COL14A1: variants seen among roughly 807,000 people sequenced by gnomAD.
COL14A1 encodes the protein collagen alpha-1(XIV) chain.
A neutral mutation model predicts 230.3 loss-of-function variants in COL14A1; 136 were observed. The ratio of observed to expected loss-of-function variants is 0.59; its 90% CI spans 0.51 to 0.68. The LOEUF is 0.68. Among genes scored for constraint, COL14A1 ranks in the 30% least tolerant of loss-of-function variants. The pLI is 0.00. For missense variants in COL14A1, 1,976 were observed against 2,215.8 expected (o/e 0.89, Z 2.17); for synonymous variants, 792 against 784.1 (o/e 1.01, Z -0.17).
chr8:120,179,558 A>G (rs111663053), intron 5 of COL14A1, among the ~76,000 whole-genome samples: 51,556 of 152,060 alleles, frequency 0.34, 9,568 homozygotes, highest in Admixed American at 0.48. Flanking sequence ...GCAAATGGAA[A>G]AACATTCCAT....
intron 17 of COL14A1, among the ~76,000 whole-genome samples, chr8:120,227,728 C>G (rs1256089460): frequency 6.6e-6 from 1 of 152,080 alleles, no homozygotes; most frequent in African/African-American, 2.4e-5. Context: ...AACAAATAAA[C>G]CTAGGGCCAA....
At chr8:120,128,496 C>T (rs1357301510) in intron 1 of COL14A1, among the ~76,000 whole-genome samples, 2 of 151,856 alleles carry the variant, frequency 1.3e-5, no homozygotes, top group Non-Finnish European at 2.9e-5. Flanking sequence ...GCCTGTAATC[C>T]CAGCATTTTG....
chr8:120,229,831 G>A (rs1818214465), intron 18 of COL14A1, among the ~76,000 whole-genome samples: 2 of 152,132 alleles, frequency 1.3e-5, no homozygotes, highest in African/African-American at 4.8e-5. Flanking sequence ...GTATCTCATT[G>A]TGGTTTTGAT....
chr8:120,218,271 T>TAA lies in COL14A1; in HGVS notation c.1737+1782_1737+1783dup, dbSNP rs1158873494. Among the ~76,000 whole-genome samples the TAA allele has an allele frequency of 1.5e-4, 20 of 134,454 alleles. No homozygotes were observed. The East Asian group carries it at 4.0e-3, about 27-fold the overall frequency. The allele number at this position is 134,454 out of a possible 152,430, so 88.2% of individuals were successfully genotyped here. A position where few individuals can be genotyped will look rare whatever the true frequency, so the allele number is the denominator to read the frequency against. On this transcript the variant is annotated intron_variant, in intron 14 of 47. Coordinates refer to ENST00000297848, the MANE Select transcript of COL14A1 (RefSeq NM_021110.4). ...ATATAAGTATATGTCTATATATATA[T>TAA]AATATATAAATAGATATATAATATA...
chr8:120,371,790 A>G lies in COL14A1; in HGVS notation c.*559A>G, dbSNP rs1023579715. On this transcript the variant is annotated 3_prime_UTR_variant, in exon 48 of 48. Coordinates refer to ENST00000297848, the MANE Select transcript of COL14A1 (RefSeq NM_021110.4). Reference sequence around the variant, plus strand: ...TGTGTATCCAAAAATCAGCATTTGGATTTAAGCTTTCTGAATTTGGTAGTT... The same window carrying G: ...TGTGTATCCAAAAATCAGCATTTGGGTTTAAGCTTTCTGAATTTGGTAGTT... 5.1e-6 allele frequency: 2 copies of G among 391,560 alleles called. No homozygotes were observed. Among genetic ancestry groups the G allele is most frequent in the African/African-American group, 4.1e-5 (2 of 48,498 alleles). The allele number at this position is 391,560 out of a possible 1,614,324, so 24.3% of individuals were successfully genotyped here. A position where few individuals can be genotyped will look rare whatever the true frequency, so the allele number is the denominator to read the frequency against.
chr8:120,316,107 T>C, intron 40 of COL14A1, 110 bp downstream of exon 40: 1 of 937,354 alleles, frequency 1.1e-6, no homozygotes, highest in Non-Finnish European at 1.7e-6. Context: ...TTTTGCTTTT[T>C]GTTTTCTCCT....
chr8:120,313,124 C>T (rs1450202078), intron 37 of COL14A1, among the ~76,000 whole-genome samples: 1 of 152,132 alleles, frequency 6.6e-6, no homozygotes, highest in African/African-American at 2.4e-5. Flanking sequence ...CTTTGGGAGG[C>T]CAAATTGGGC....
intron 16 of COL14A1, 35 bp from the exon 17 acceptor site, chr8:120,227,185 T>G: frequency 6.2e-7 from 1 of 1,604,160 alleles, no homozygotes; most frequent in Non-Finnish European, 8.5e-7. Flanking sequence ...TTTTTTCAAA[T>G]AAGCATAGTT....
At chr8:120,152,649 C>T (rs981546940) in intron 2 of COL14A1, among the ~76,000 whole-genome samples, 2 of 152,044 alleles carry the variant, frequency 1.3e-5, no homozygotes, top group Non-Finnish European at 2.9e-5. Context: ...CTGGATTATT[C>T]CAGCATCTTC....
At chr8:120,350,636 A>T (rs973695549) in intron 45 of COL14A1, among the ~76,000 whole-genome samples, 4 of 149,554 alleles carry the variant, frequency 2.7e-5, no homozygotes, top group Non-Finnish European at 4.5e-5. Flanking sequence ...AAAAGAGACA[A>T]AGAAGGCCAT....
intron 13 of COL14A1, among the ~76,000 whole-genome samples, chr8:120,214,488 T>C (rs936137946): frequency 3.9e-5 from 6 of 152,130 alleles, no homozygotes; most frequent in African/African-American, 1.2e-4. Context: ...TAGATAGGGG[T>C]CCTTGAAGAG....
intron 32 of COL14A1, among the ~76,000 whole-genome samples, chr8:120,285,041 T>C (rs1219051301): frequency 2.6e-5 from 4 of 152,118 alleles, no homozygotes; most frequent in African/African-American, 9.7e-5. Flanking sequence ...AAATATTCCT[T>C]GTAATAGGAA....
chr8:120,366,603 A>AT (rs1172240049), intron 45 of COL14A1, among the ~76,000 whole-genome samples: 4 of 152,252 alleles, frequency 2.6e-5, no homozygotes, highest in Non-Finnish European at 4.4e-5. Context: ...ACTGTAAATT[A>AT]TAAGAGGTCT....
At chr8:120,248,279 C>T (rs975417858) in intron 21 of COL14A1, among the ~76,000 whole-genome samples, 2 of 152,004 alleles carry the variant, frequency 1.3e-5, no homozygotes, top group African/African-American at 4.8e-5. Context: ...AAGAGGATCC[C>T]TCTCGCCTCT....
intron 4 of COL14A1, among the ~76,000 whole-genome samples, chr8:120,166,938 G>A (rs1258750270): frequency 6.7e-6 from 1 of 149,164 alleles, no homozygotes; most frequent in African/African-American, 2.5e-5. Context: ...GATGATGGTG[G>A]TGGTGGGGGT....
chr8:120,344,493 A>C (rs1822425650), intron 44 of COL14A1, among the ~76,000 whole-genome samples: 1 of 152,232 alleles, frequency 6.6e-6, no homozygotes, highest in Admixed American at 6.5e-5. Context: ...CAAATGAGGA[A>C]ATGTCTCACC....
intron 45 of COL14A1, among the ~76,000 whole-genome samples, chr8:120,350,874 G>GGGTT (rs1395163242): frequency 2.6e-5 from 4 of 151,548 alleles, no homozygotes; most frequent in Non-Finnish European, 4.4e-5. Flanking sequence ...ACTCAGCTCT[G>GGGTT]CACCAAGCGG....
At chr8:120,200,929 C>T (rs1222609252) in intron 8 of COL14A1, among the ~76,000 whole-genome samples, 1 of 151,066 alleles carries the variant, frequency 6.6e-6, no homozygotes, top group Non-Finnish European at 1.5e-5. Context: ...AGTGAGTTCC[C>T]AGAGGTTCAG....
At chr8:120,174,366 C>T (rs1816206183) in intron 5 of COL14A1, among the ~76,000 whole-genome samples, 1 of 151,900 alleles carries the variant, frequency 6.6e-6, no homozygotes, top group Non-Finnish European at 1.5e-5. Flanking sequence ...TTAGCTATAG[C>T]TATGTATTCC....
Sources: allele counts gnomAD v4.1 joint callset (sites outside exome capture counted in the v4.1 genomes callset), GRCh38; gene constraint gnomAD v4.1.1; transcripts MANE v1.5; gene names NCBI Gene and HGNC (gene_info 2026-07-23, HGNC 2026-07-21).